The following TENM3 variants were observed in gnomAD, a reference collection of about 807,000 sequenced individuals.
The protein encoded by TENM3 is teneurin-3.
TENM3 carries 63 observed loss-of-function variants against 255.1 expected under a neutral mutation model. That is an observed-to-expected ratio of 0.25 (90% confidence interval 0.20 to 0.30). The LOEUF is 0.30. Ranked by LOEUF, TENM3 falls within the 10% of genes least tolerant of loss-of-function variation. TENM3 has a pLI of 1.00. For missense variants in TENM3, 2,929 were observed against 3,461.1 expected, an observed-to-expected ratio of 0.85 and a Z score of 3.86; for synonymous variants, 1,306 against 1,322.3, an observed-to-expected ratio of 0.99 and a Z score of 0.27.
chr4:181,531,401 G>A, the TENM3 span, among the ~76,000 whole-genome samples: 1 of 152,068 alleles, frequency 6.6e-6, no homozygotes, highest in Non-Finnish European at 1.5e-5. Flanking sequence ...ACATATCAGG[G>A]GACTTATGCA....
At chr4:182,509,329 A>G (rs1737143435) in intron 3 of TENM3, among the ~76,000 whole-genome samples, 1 of 152,156 alleles carries the variant, frequency 6.6e-6, no homozygotes, top group African/African-American at 2.4e-5. Flanking sequence ...TGGGAGTTCC[A>G]AGATTTGTTT....
intron 24 of TENM3, among the ~76,000 whole-genome samples, chr4:182,783,595 G>A (rs1033578380): frequency 4.7e-5 from 7 of 149,248 alleles, no homozygotes; most frequent in African/African-American, 1.5e-4. Context: ...GAATCTGAAC[G>A]TTGGCCTGCC....
At chr4:181,602,254 C>T in the TENM3 span, among the ~76,000 whole-genome samples, 1 of 152,154 alleles carries the variant, frequency 6.6e-6, no homozygotes, top group Non-Finnish European at 1.5e-5. Flanking sequence ...CCCACAGCAA[C>T]ATTTAAAAGA....
At chr4:182,378,596 G>A (rs1308309620) in intron 3 of TENM3, among the ~76,000 whole-genome samples, 1 of 152,166 alleles carries the variant, frequency 6.6e-6, no homozygotes, top group African/African-American at 2.4e-5. Flanking sequence ...GAGTGCAAGA[G>A]CTAATGGGAG....
chr4:182,554,113 A>C (rs1453404013), intron 3 of TENM3, among the ~76,000 whole-genome samples: 1 of 152,192 alleles, frequency 6.6e-6, no homozygotes, highest in East Asian at 1.9e-4. Context: ...AGGGATAATA[A>C]TTGCTTCTCC....
the TENM3 span, among the ~76,000 whole-genome samples, chr4:181,523,862 A>G: frequency 6.6e-6 from 1 of 152,222 alleles, no homozygotes; most frequent in Admixed American, 6.5e-5. Flanking sequence ...ACCATCCTAC[A>G]GGATTCAAAC....
intron 3 of TENM3, among the ~76,000 whole-genome samples, chr4:182,557,048 TTTC>T (rs1453210734): frequency 6.6e-6 from 1 of 152,236 alleles, no homozygotes; most frequent in East Asian, 1.9e-4. Flanking sequence ...TACCAGACAT[TTTC>T]TTCTTCTACA....
chr4:181,964,965 A>G, the TENM3 span, among the ~76,000 whole-genome samples: 1 of 152,170 alleles, frequency 6.6e-6, no homozygotes, highest in Admixed American at 6.5e-5. Flanking sequence ...TGACAATCTA[A>G]AGTGTCTACG....
the TENM3 span, among the ~76,000 whole-genome samples, chr4:181,811,065 C>T: frequency 2.2e-3 from 330 of 152,162 alleles, 2 homozygotes; most frequent in Non-Finnish European, 3.2e-3. Flanking sequence ...CAGTAAGCAG[C>T]GAGAAATTTG....
the TENM3 span, among the ~76,000 whole-genome samples, chr4:181,707,081 A>G: frequency 6.6e-6 from 1 of 152,220 alleles, no homozygotes; most frequent in African/African-American, 2.4e-5. Flanking sequence ...ATGTACTAGA[A>G]AATGCTTTGC....
At chr4:182,472,126 T>A (rs906858784) in intron 3 of TENM3, among the ~76,000 whole-genome samples, 1 of 152,198 alleles carries the variant, frequency 6.6e-6, no homozygotes, top group African/African-American at 2.4e-5. Flanking sequence ...GACCTTGAAC[T>A]TTTTATTATT....
chr4:182,436,652 C>T (rs1381504054), intron 3 of TENM3, among the ~76,000 whole-genome samples: 2 of 152,134 alleles, frequency 1.3e-5, no homozygotes, highest in Non-Finnish European at 2.9e-5. Context: ...TTGCCACCAC[C>T]AATTTAATAA....
chr4:182,599,477 A>G (rs910326520), intron 3 of TENM3, among the ~76,000 whole-genome samples: 2 of 152,202 alleles, frequency 1.3e-5, no homozygotes, highest in African/African-American at 4.8e-5. Context: ...TATTATCTCT[A>G]TCCCTCATTA....
intron 3 of TENM3, among the ~76,000 whole-genome samples, chr4:182,411,752 G>A (rs1580451381): frequency 6.6e-6 from 1 of 152,184 alleles, no homozygotes; most frequent in South Asian, 2.1e-4. Context: ...CCATTGAGGT[G>A]AGGAAGATAG....
At chr4:181,924,562 C>A in the TENM3 span, among the ~76,000 whole-genome samples, 2 of 152,322 alleles carry the variant, frequency 1.3e-5, no homozygotes, top group East Asian at 3.9e-4. Flanking sequence ...TCATTCCTTA[C>A]TTGTTGGAGA....
At chr4:181,835,833 G>A in the TENM3 span, among the ~76,000 whole-genome samples, 1 of 152,296 alleles carries the variant, frequency 6.6e-6, no homozygotes. Flanking sequence ...TCAGTAGCCA[G>A]TAATTACATT....
chr4:182,723,874 T>C (rs1289742540), intron 13 of TENM3, among the ~76,000 whole-genome samples: 2 of 152,180 alleles, frequency 1.3e-5, no homozygotes. Context: ...AGAGACTATA[T>C]GGCCCACAAA....
At chr4:182,224,210 G>A (rs555504988) in intron 1 of TENM3, among the ~76,000 whole-genome samples, 2 of 152,248 alleles carry the variant, frequency 1.3e-5, no homozygotes, top group Admixed American at 6.5e-5. Flanking sequence ...CCTTTAATTA[G>A]TGTATCCGTT....
intron 1 of TENM3, among the ~76,000 whole-genome samples, chr4:182,146,626 ATAGT>A (rs1419248296): frequency 2.0e-5 from 3 of 152,192 alleles, no homozygotes; most frequent in African/African-American, 7.2e-5. Flanking sequence ...TTAGAAAAGA[ATAGT>A]TAGAAAAAGT....
Sources: gnomAD v4.1 joint callset for allele counts (sites outside exome capture counted in the v4.1 genomes callset) on GRCh38, gnomAD v4.1.1 for gene constraint, MANE v1.5 for transcripts, NCBI Gene and HGNC (gene_info 2026-07-23, HGNC 2026-07-21) for gene names.